Variants in LPP observed in about 807,000 individuals in gnomAD.
The protein encoded by LPP is lipoma-preferred partner.
Under a neutral mutation model 60.4 loss-of-function variants are expected in LPP, and 38 were observed. The ratio of observed to expected loss-of-function variants is 0.63; its 90% confidence interval spans 0.49 to 0.83. The LOEUF (loss-of-function observed/expected upper bound fraction) is 0.83. Among genes scored for constraint, LPP ranks in the 40% least tolerant of loss-of-function variants. The probability of loss-of-function intolerance (pLI) is 0.00; values close to 1 mark genes in which losing one functional copy is unlikely to be tolerated. For synonymous variants in LPP, 328 were observed against 290.8 expected, an observed-to-expected ratio of 1.13 and a Z score of -1.30; for missense variants, 902 against 783.6, an observed-to-expected ratio of 1.15 and a Z score of -1.80.
At chr3:188,326,173 G>A (rs998450093) in intron 2 of LPP, among the ~76,000 whole-genome samples, 4 of 152,152 alleles carry the variant, frequency 2.6e-5, no homozygotes, top group East Asian at 1.9e-4. Flanking sequence ...TAAGTTTGGC[G>A]TTTGAGGTGG....
At chr3:188,779,358 GGACGTGCAT>G (rs1473177969) in intron 9 of LPP, among the ~76,000 whole-genome samples, 3 of 152,090 alleles carry the variant, frequency 2.0e-5, no homozygotes, top group Non-Finnish European at 4.4e-5. Context: ...AATCAGGAAG[GGACGTGCAT>G]CAGTGCGAGG....
intron 4 of LPP, among the ~76,000 whole-genome samples, chr3:188,439,918 TCC>T (rs1264355462): frequency 1.3e-5 from 2 of 152,232 alleles, no homozygotes; most frequent in African/African-American, 4.8e-5. Context: ...ATAGGATTAT[TCC>T]ACTTAATTCT....
chr3:188,417,321 G>A (rs1001318017), intron 4 of LPP, among the ~76,000 whole-genome samples: 7 of 152,032 alleles, frequency 4.6e-5, no homozygotes, highest in African/African-American at 1.7e-4. Flanking sequence ...ATGTCCTCTA[G>A]GAGGAACTGG....
intron 2 of LPP, among the ~76,000 whole-genome samples, chr3:188,327,472 C>T (rs1317462156): frequency 6.6e-6 from 1 of 152,088 alleles, no homozygotes; most frequent in Non-Finnish European, 1.5e-5. Flanking sequence ...CCATTGTATT[C>T]TTATTTTACG....
At chr3:188,559,260 A>G (rs573869362) in intron 6 of LPP, among the ~76,000 whole-genome samples, 2 of 152,238 alleles carry the variant, frequency 1.3e-5, no homozygotes, top group Admixed American at 6.5e-5. Context: ...GACAACAGGC[A>G]CCAGATTATT....
At chr3:188,353,509 A>G (rs1766577814) in intron 3 of LPP, among the ~76,000 whole-genome samples, 2 of 152,208 alleles carry the variant, frequency 1.3e-5, no homozygotes, top group Admixed American at 6.5e-5. Context: ...AATTCAATTG[A>G]CTGCTCAAAT....
chr3:188,636,577 C>T (rs1412230365), intron 7 of LPP, among the ~76,000 whole-genome samples: 1 of 152,186 alleles, frequency 6.6e-6, no homozygotes, highest in Non-Finnish European at 1.5e-5. Context: ...GCCTGCCTGC[C>T]TCTGTAGGCT....
rs1206641720 is a variant in LPP at position 188,184,073 on chromosome 3, G to A, written c.-190+29821G>A. The stretch of plus-strand genomic sequence containing the variant: ...CCTCCTTGTGGGAGACTATCAAATG[G>A]AAGATTTGACTGGCCATCGCAGTGC... On this transcript the variant is annotated intron_variant, in intron 1 of 11. Transcript: ENST00000617246. Among the ~76,000 whole-genome samples, 5 of 152,292 alleles carry A rather than the reference G, an allele frequency of 3.3e-5. No homozygotes were observed. In the East Asian group the frequency reaches 7.7e-4, roughly 24 times the overall value.
chr3:188,351,819 A>C (rs1765933186), intron 3 of LPP, among the ~76,000 whole-genome samples: 1 of 152,152 alleles, frequency 6.6e-6, no homozygotes, highest in Non-Finnish European at 1.5e-5. Flanking sequence ...TGTGAAAATA[A>C]GCAGAAGTTG....
chr3:188,635,477 T>C lies in LPP; in HGVS notation c.1113+25633T>C, dbSNP rs540177631. ...TGAGAACAGGCTTATTCAGATTATT[T>C]TGACATGCTCAGACAAGGCGTTCCG... On this transcript the variant is annotated intron_variant, in intron 7 of 11. Transcript: ENST00000617246. Among the ~76,000 whole-genome samples the C allele has an allele frequency of 4.6e-5, 7 of 152,318 alleles. No individual in the cohort carries two copies. The East Asian group carries it at 7.7e-4, about 17-fold the overall frequency.
chr3:188,485,796 C>CAAAAAAAAAAAAAAAAAAAAAAAAAAA (rs766522013), intron 5 of LPP, among the ~76,000 whole-genome samples: 2 of 40,154 alleles, frequency 5.0e-5, no homozygotes, highest in Admixed American at 3.6e-4. Flanking sequence ...GACTCCGTCT[C>CAAAAAAAAAAAAAAAAAAAAAAAAAAA]AAAAAAAAAA....
At chr3:188,238,258 G>A (rs555830421) in intron 2 of LPP, among the ~76,000 whole-genome samples, 3 of 152,296 alleles carry the variant, frequency 2.0e-5, no homozygotes, top group Admixed American at 2.0e-4. Context: ...GAATTTTGTG[G>A]CTGGTTTGAT....
chr3:188,568,892 G>C (rs981818038), intron 6 of LPP: 2 of 152,064 alleles, frequency 1.3e-5, no homozygotes, highest in South Asian at 2.1e-4. Context: ...GGGCCTGAAG[G>C]GTGGAGAGGG....
chr3:188,754,268 A>G (rs2150374553), intron 8 of LPP, among the ~76,000 whole-genome samples: 1 of 152,338 alleles, frequency 6.6e-6, no homozygotes, highest in Non-Finnish European at 1.5e-5. Flanking sequence ...ATTTTATGAG[A>G]AAATTTAGCT....
At chr3:188,747,792 G>A (rs17672106) in intron 8 of LPP, among the ~76,000 whole-genome samples, 10,746 of 152,226 alleles carry the variant, frequency 0.071, 398 homozygotes, top group African/African-American at 0.095. Flanking sequence ...GTTGCTATGC[G>A]AATGCTGGAG....
intron 8 of LPP, among the ~76,000 whole-genome samples, chr3:188,753,631 T>C (rs1039685856): frequency 6.6e-6 from 1 of 151,776 alleles, no homozygotes; most frequent in Admixed American, 6.6e-5. Context: ...TTTTTTGTTT[T>C]TTTTTACTTT....
intron 9 of LPP, among the ~76,000 whole-genome samples, chr3:188,786,127 C>T (rs1577543539): frequency 6.6e-6 from 1 of 151,922 alleles, no homozygotes; most frequent in Admixed American, 6.6e-5. Context: ...TGCTTGTAAT[C>T]CTAGCACTTT....
At chr3:188,213,961 A>AACACACACACACACACACAC (rs59389556) in intron 1 of LPP, among the ~76,000 whole-genome samples, 5,418 of 130,276 alleles carry the variant, frequency 0.042, 227 homozygotes, top group East Asian at 0.085. Flanking sequence ...TTAGATTTTA[A>AACACACACACACACACACAC]ACACACACAC....
intron 9 of LPP, among the ~76,000 whole-genome samples, chr3:188,839,235 G>A (rs1174184406): frequency 6.6e-6 from 1 of 152,154 alleles, no homozygotes; most frequent in East Asian, 1.9e-4. Context: ...CTGTCCTACA[G>A]TGTAGCATAT....
Sources: allele counts gnomAD v4.1 joint callset (sites outside exome capture counted in the v4.1 genomes callset), GRCh38; gene constraint gnomAD v4.1.1; transcripts MANE v1.5; gene names NCBI Gene and HGNC (gene_info 2026-07-23, HGNC 2026-07-21).